The following CCL23 variants were observed in gnomAD, a reference collection of about 807,000 sequenced individuals.
The protein encoded by CCL23 is C-C motif chemokine ligand 23.
Under a neutral mutation model 11.8 loss-of-function variants are expected in CCL23, and 10 were observed. That is an observed-to-expected ratio of 0.84 (90% CI 0.52 to 1.43). CCL23 has a LOEUF of 1.43. CCL23 is among the 40% of genes most tolerant of loss of function. CCL23 has a pLI of 0.00. For missense variants in CCL23, 181 were observed against 170.9 expected (o/e 1.06, Z -0.33); for synonymous variants, 60 against 61.0 (o/e 0.98, Z 0.07).
At position 36,017,846 on chromosome 17, in the gene CCL23, C is replaced by T; in HGVS notation, c.52G>A (p.Gly18Arg). Residue 18 changes from glycine to arginine, a missense_variant, in exon 1 of 4, where the codon GGA (glycine) becomes AGA (arginine). Gly to Arg is a moderately radical substitution (Grantham distance 125, BLOSUM62 -2). Transcript: ENST00000615050. ...CCTTTTGTGACCCGGGCCTGGGATC[C>T]AAGGGCAGTAACAAGCATGAGGCAG... ...LSCLMLVTALGSQARVTKDAE... is the reference protein window; with the variant it reads ...LSCLMLVTALRSQARVTKDAE... The T allele has an allele frequency of 6.2e-7, 1 of 1,614,120 alleles. No individual in the cohort carries two copies. Among genetic ancestry groups the T allele is most frequent in the East Asian group, 2.2e-5 (1 of 44,874 alleles).
chr17:36,014,045 C>T, intron 2 of CCL23, 136 bp from the exon 3 acceptor site: 1 of 844,532 alleles, frequency 1.2e-6, no homozygotes, highest in Non-Finnish European at 1.8e-6. Flanking sequence ...TGGGCCAGAG[C>T]AGGACCAGGA....
chr17:36,013,414 G>GT (rs756982491), intron 3 of CCL23, 106 bp from the exon 4 acceptor site: 928 of 665,908 alleles, frequency 1.4e-3, no homozygotes, highest in Non-Finnish European at 1.7e-3. Flanking sequence ...AATATAGCCA[G>GT]TTTTTTTTTC....
chr17:36,014,463 C>G, intron 1 of CCL23, 70 bp from the exon 2 acceptor site: 1 of 1,214,138 alleles, frequency 8.2e-7, no homozygotes, highest in Non-Finnish European at 1.2e-6. Context: ...CTCCACCCAC[C>G]CCATTGCTCA....
intron 1 of CCL23, 26 bp downstream of exon 1, chr17:36,017,796 T>C: frequency 6.2e-7 from 1 of 1,609,746 alleles, no homozygotes; most frequent in East Asian, 2.2e-5. Flanking sequence ...AACCTGGTCA[T>C]CTGAGAGAAA....
chr17:36,013,661 G>T, intron 3 of CCL23, 83 bp downstream of exon 3: 1 of 1,362,588 alleles, frequency 7.3e-7, no homozygotes, highest in Non-Finnish European at 1.0e-6. Flanking sequence ...GGGCCCTGAT[G>T]GACACCAGTC....
chr17:36,017,272 C>T (rs900167734), intron 1 of CCL23, among the ~76,000 whole-genome samples: 2 of 152,136 alleles, frequency 1.3e-5, no homozygotes, highest in African/African-American at 4.8e-5. Flanking sequence ...ACATATCCCA[C>T]AGGGTTGTTA....
Position 36,017,822 on chromosome 17 carries a change from C to G in CCL23, c.76G>C (p.Asp26His). Residue 26 changes from aspartate to histidine, a missense_variant and splice_region_variant, in exon 1 of 4, where the codon GAT becomes CAT. Asp to His is a moderately conservative substitution (Grantham distance 81, BLOSUM62 -1). Transcript: ENST00000615050. ...ALGSQARVTK[D>H]AETEFMMSKL... ...CTGAGAGAAAGCTCACTGGACTCAC[C>G]TTTTGTGACCCGGGCCTGGGATCCA... 1 of 1,614,086 alleles carries G rather than the reference C, an allele frequency of 6.2e-7. No individual in the cohort carries two copies. The highest frequency in any genetic ancestry group is 8.5e-7 in the Non-Finnish European group (1 of 1,179,990).
In CCL23 at chr17:36,013,807, A is replaced by G. The variant is rs780325362; in HGVS notation, c.239T>C (p.Ile80Thr). 1.2e-6 allele frequency: 2 copies of G among 1,614,162 alleles called. No individual in the cohort carries two copies. The highest frequency in any genetic ancestry group is 1.7e-6 in the Non-Finnish European group (2 of 1,180,030). ...GTAACTCTCCAGGAGTGAACACGGG[A>G]TGCTTCGTGGGGTGTAGGAGATGCA... ...DCCISYTPRS[I>T]PCSLLESYFE... is the part of the protein sequence containing the mutation. Residue 80 changes from isoleucine (I) to threonine (T), a missense_variant, in exon 3 of 4, where the codon ATC becomes ACC. By Grantham distance (89) the Ile-to-Thr change is moderately conservative. Transcript: ENST00000615050.
chr17:36,017,204 G>A (rs1719208), intron 1 of CCL23, among the ~76,000 whole-genome samples: 58,729 of 151,958 alleles, frequency 0.39, 16,685 homozygotes, highest in African/African-American at 0.8. Flanking sequence ...CCATATAAAA[G>A]TTGATGTTTT....
At chr17:36,015,807 CG>C (rs1379050004) in intron 1 of CCL23, among the ~76,000 whole-genome samples, 1 of 151,886 alleles carries the variant, frequency 6.6e-6, no homozygotes, top group Non-Finnish European at 1.5e-5. Flanking sequence ...GAGGCCAAGG[CG>C]GGCGGATCAC....
chr17:36,013,889 C>A lies in CCL23; in HGVS notation c.157G>T (p.Gly53Cys), dbSNP rs754139698. 3.1e-6 allele frequency: 5 copies of A among 1,614,162 alleles called. No individual in the cohort carries two copies. Among genetic ancestry groups the A allele is most frequent in the South Asian group, 1.1e-5 (1 of 91,084 alleles). Reference protein sequence around the residue: ...LLDMLWRRKIGPQMTLSHAAG... With the variant: ...LLDMLWRRKICPQMTLSHAAG... ...GCATGAGAAAGGGTCATCTGAGGAC[C>A]AATCTTTCTCCTCCAGAGCACTGTG... The change falls in exon 3 of 4, where the codon GGT becomes TGT. Residue 53 changes from glycine (G) to cysteine (C), a missense_variant. Transcript: ENST00000615050.
At chr17:36,013,671 C>G in intron 3 of CCL23, 73 bp downstream of exon 3, 1 of 1,473,212 alleles carries the variant, frequency 6.8e-7, no homozygotes, top group Non-Finnish European at 9.4e-7. Context: ...GGACACCAGT[C>G]TATCAGGTCC....
chr17:36,015,439 G>A (rs549497218), intron 1 of CCL23, among the ~76,000 whole-genome samples: 7 of 152,120 alleles, frequency 4.6e-5, no homozygotes, highest in African/African-American at 9.6e-5. Context: ...TTTGGCTACC[G>A]TCATCAATAA....
rs774570865 is a variant in CCL23 at position 36,013,851 on chromosome 17, A to G, written c.195T>C (p.His65=). Residue 65 remains histidine (H), a synonymous_variant, in exon 3 of 4, where the codon CAT becomes CAC. Coordinates refer to ENST00000615050, the MANE Select transcript of CCL23 (RefSeq NM_005064.6). ...AGATGCAGCAGTCAGCACTAGTAGCATGGAATCCTGCAGCATGAGAAAGGG... is the reference window on the plus strand; with the variant it reads ...AGATGCAGCAGTCAGCACTAGTAGCGTGGAATCCTGCAGCATGAGAAAGGG... ...QMTLSHAAGF[H]ATSADCCISY... is the part of the protein sequence containing the mutation. 1.2e-6 allele frequency: 2 copies of G among 1,614,208 alleles called. No individual in the cohort carries two copies. The highest frequency in any genetic ancestry group is 2.2e-5 in the East Asian group (1 of 44,888).
At chr17:36,013,666 C>T in intron 3 of CCL23, 78 bp downstream of exon 3, 1 of 1,404,950 alleles carries the variant, frequency 7.1e-7, no homozygotes, top group Non-Finnish European at 1.0e-6. Flanking sequence ...CTGATGGACA[C>T]CAGTCTATCA....
chr17:36,014,254 T>C (rs2090080816), intron 2 of CCL23, 80 bp downstream of exon 2: 1 of 1,073,056 alleles, frequency 9.3e-7, no homozygotes, highest in South Asian at 1.3e-5. Flanking sequence ...TCCCATTCTG[T>C]AAACAGGGAC....
chr17:36,014,925 A>C (rs1488024653), intron 1 of CCL23, among the ~76,000 whole-genome samples: 4 of 151,154 alleles, frequency 2.6e-5, no homozygotes, highest in African/African-American at 4.9e-5. Context: ...TATATGTTTA[A>C]GTTTTTTACT....
intron 2 of CCL23, 43 bp from the exon 3 acceptor site, chr17:36,013,952 C>T (rs749032415): frequency 1.3e-6 from 2 of 1,592,670 alleles, no homozygotes; most frequent in African/African-American, 2.7e-5. Context: ...GAGATGTTTC[C>T]TCCTCCGTGA....
intron 1 of CCL23, among the ~76,000 whole-genome samples, chr17:36,017,339 A>G (rs1451347704): frequency 6.6e-6 from 1 of 152,208 alleles, no homozygotes; most frequent in Non-Finnish European, 1.5e-5. Context: ...TGCCCTGTAC[A>G]TAGGAAGTAC....
Sources: gnomAD v4.1 joint callset for allele counts (sites outside exome capture counted in the v4.1 genomes callset) on GRCh38, gnomAD v4.1.1 for gene constraint, MANE v1.5 for transcripts, NCBI Gene and HGNC (gene_info 2026-07-23, HGNC 2026-07-21) for gene names.